RMND5A: variants seen among roughly 807,000 people sequenced by gnomAD.
RMND5A encodes the protein E3 ubiquitin-protein transferase RMND5A.
A neutral mutation model predicts 49.7 loss-of-function variants in RMND5A; 17 were observed. That is an observed-to-expected ratio of 0.34 (90% CI 0.23 to 0.51). RMND5A has a LOEUF of 0.51. RMND5A is among the 20% of genes least tolerant of loss of function. The pLI is 0.96. For missense variants in RMND5A, 255 were observed against 471.3 expected (o/e 0.54, Z 4.25); for synonymous variants, 156 against 167.7 (o/e 0.93, Z 0.54).
chr2:86,737,589 ATAT>A (rs1220437090), intron 1 of RMND5A, among the ~76,000 whole-genome samples: 7 of 118,950 alleles, frequency 5.9e-5, no homozygotes, highest in Middle Eastern at 3.7e-3. Context: ...ATATATATAT[ATAT>A]ATGTCAGTGA....
In RMND5A at chr2:86,766,002, G is replaced by A; in HGVS notation, c.832G>A (p.Val278Met). 10 of 1,613,764 alleles carry A rather than the reference G, an allele frequency of 6.2e-6. No individual in the cohort carries two copies. Among genetic ancestry groups the A allele is most frequent in the African/African-American group, 2.7e-5 (2 of 75,032 alleles). The change falls in exon 6 of 9, where the codon GTG becomes ATG. Residue 278 changes from valine (V) to methionine (M), a missense_variant. Physicochemically the swap from Val to Met is conservative, Grantham distance 21. Coordinates refer to ENST00000283632, the MANE Select transcript of RMND5A (RefSeq NM_022780.4). ...RDACALLGLS[V>M]ESPLSVSFSA... ...TGCTTGTGCCCTCCTGGGGCTCTCC[G>A]TGGAGTCCCCTCTCAGTGTCAGGTA...
Position 86,771,629 on chromosome 2 carries a change from A to G in RMND5A, c.1029A>G (p.Thr343=), listed in dbSNP as rs1672687089. The G allele has an allele frequency of 6.2e-7, 1 of 1,613,768 alleles. No individual in the cohort carries two copies. The highest frequency in any genetic ancestry group is 1.1e-5 in the South Asian group (1 of 91,066). Residue 343 remains threonine (T), a synonymous_variant, in exon 8 of 9, where the codon ACA becomes ACG. Transcript: ENST00000283632. ...CCTGCCCCATTCTTCGTCAGCAAAC[A>G]ACAGATAACAATCCACCCATGAAAT... ...IFACPILRQQ[T]TDNNPPMKLV...
chr2:86,762,756 T>A (rs1198362694), intron 4 of RMND5A, among the ~76,000 whole-genome samples: 1 of 145,196 alleles, frequency 6.9e-6, no homozygotes. Flanking sequence ...TATCACACTT[T>A]CAAGCTGAGC....
chr2:86,721,466 C>T (rs977544902), intron 1 of RMND5A, among the ~76,000 whole-genome samples: 10 of 151,948 alleles, frequency 6.6e-5, no homozygotes, highest in African/African-American at 2.2e-4. Context: ...TCTGTTCTCC[C>T]AGTGTACCTT....
Position 86,771,640 on chromosome 2 carries a change from A to G in RMND5A, c.1040A>G (p.Asn347Ser), listed in dbSNP as rs151248752. The G allele has an allele frequency of 1.1e-5, 18 of 1,613,650 alleles. No homozygotes were observed. Among genetic ancestry groups the G allele is most frequent in the African/African-American group, 5.3e-5 (4 of 74,852 alleles). ...CTTCGTCAGCAAACAACAGATAACAATCCACCCATGAAATTGGTCTGTGGT... is the reference window on the plus strand; with the variant it reads ...CTTCGTCAGCAAACAACAGATAACAGTCCACCCATGAAATTGGTCTGTGGT... ...PILRQQTTDN[N>S]PPMKLVCGHI... The change falls in exon 8 of 9, where the codon AAT (asparagine) becomes AGT (serine). Residue 347 changes from asparagine to serine, a missense_variant. Around this residue, in one of 3 missense-constraint regions of RMND5A, gnomAD observed 208 missense variants for 339.8 expected, o/e 0.61. Coordinates refer to ENST00000283632, the MANE Select transcript of RMND5A (RefSeq NM_022780.4).
intron 8 of RMND5A, among the ~76,000 whole-genome samples, chr2:86,772,048 C>T (rs10201422): frequency 0.68 from 103,704 of 152,128 alleles, 35,541 homozygotes; most frequent in East Asian, 0.91. Flanking sequence ...TTCTGTGCTG[C>T]AGAAACAGCC....
intron 4 of RMND5A, among the ~76,000 whole-genome samples, chr2:86,755,008 C>T (rs1273249047): frequency 1.3e-5 from 2 of 152,222 alleles, no homozygotes; most frequent in East Asian, 3.9e-4. Context: ...ATGCATATTA[C>T]CTTTGTAGAA....
intron 6 of RMND5A, among the ~76,000 whole-genome samples, chr2:86,767,975 G>A (rs1004249076): frequency 6.6e-6 from 1 of 152,134 alleles, no homozygotes; most frequent in African/African-American, 2.4e-5. Flanking sequence ...TTCTGTTAAG[G>A]TAGGCATTCA....
chr2:86,766,680 AAAG>A (rs1191198349), intron 6 of RMND5A, among the ~76,000 whole-genome samples: 40 of 151,156 alleles, frequency 2.6e-4, no homozygotes, highest in South Asian at 2.1e-4. Context: ...AAAAAAAAAA[AAAG>A]AAAAGAAAAA....
Position 86,776,020 on chromosome 2 carries a change from T to C in RMND5A, c.*2609T>C, listed in dbSNP as rs551884806. On this transcript the variant is annotated 3_prime_UTR_variant, in exon 9 of 9. Coordinates refer to ENST00000283632, the MANE Select transcript of RMND5A (RefSeq NM_022780.4). The stretch of plus-strand genomic sequence containing the variant: ...CGTTTATAACAGTCACATTTAATTA[T>C]AATGTACATCAAAGGCAGAATTTCA... The C allele has an allele frequency of 3.9e-5, 6 of 152,240 alleles. No individual in the cohort carries two copies. The highest frequency in any genetic ancestry group is 8.8e-5 in the Non-Finnish European group (6 of 68,042). The allele number at this position is 152,240 out of a possible 1,614,324, so 9.4% of individuals were successfully genotyped here. A position where few individuals can be genotyped will look rare whatever the true frequency, so the allele number is the denominator to read the frequency against.
chr2:86,777,692 G>A lies in RMND5A; in HGVS notation c.*4281G>A, dbSNP rs982849428. 2.6e-5 allele frequency: 4 copies of A among 152,098 alleles called. No homozygotes were observed. Among genetic ancestry groups the A allele is most frequent in the Non-Finnish European group, 5.9e-5 (4 of 68,014 alleles). 9.4% of individuals were successfully genotyped at this position (152,098 alleles called of 1,614,324 possible). ...ATCTATCATATAGAGCTATATGTATGGAAAATTTTGATCAATTTTTTAAGA... is the reference window on the plus strand; with the variant it reads ...ATCTATCATATAGAGCTATATGTATAGAAAATTTTGATCAATTTTTTAAGA... On this transcript the variant is annotated 3_prime_UTR_variant, in exon 9 of 9. Coordinates refer to ENST00000283632, the MANE Select transcript of RMND5A (RefSeq NM_022780.4).
intron 8 of RMND5A, among the ~76,000 whole-genome samples, 200 bp from the exon 9 acceptor site, chr2:86,773,148 A>G (rs1672710393): frequency 6.6e-6 from 1 of 152,218 alleles, no homozygotes; most frequent in Non-Finnish European, 1.5e-5. Context: ...CATGGGTGGT[A>G]TGTATTTGTG....
At position 86,726,710 on chromosome 2, in the gene RMND5A, T is replaced by G. The variant is rs547682397; in HGVS notation, c.142+5901T>G. 2.2e-3 allele frequency among the ~76,000 whole-genome samples: 173 copies of G among 78,020 alleles called. 67 individuals are homozygous for G. The highest frequency in any genetic ancestry group is 8.0e-3 in the African/African-American group (167 of 20,818). 51.2% of individuals were successfully genotyped at this position (78,020 alleles called of 152,430 possible). A position where few individuals can be genotyped will look rare whatever the true frequency, so the allele number is the denominator to read the frequency against. Reference sequence around the variant, plus strand: ...ACGTACTCTGGAGATAATTAATTCTTTTTTATTTGGCACCGTATTCATTTA... The same window carrying G: ...ACGTACTCTGGAGATAATTAATTCTGTTTTATTTGGCACCGTATTCATTTA... On this transcript the variant is annotated intron_variant, in intron 1 of 8. Transcript: ENST00000283632.
intron 1 of RMND5A, among the ~76,000 whole-genome samples, chr2:86,728,759 C>CTT (rs1228686352): frequency 2.4e-5 from 3 of 127,658 alleles, no homozygotes; most frequent in African/African-American, 6.3e-5. Context: ...TGGTGTTAAG[C>CTT]TTTTTTTTTT....
chr2:86,776,246 G>T lies in RMND5A; in HGVS notation c.*2835G>T, dbSNP rs889601938. 2 of 152,202 alleles carry T rather than the reference G, an allele frequency of 1.3e-5. No individual in the cohort carries two copies. The highest frequency in any genetic ancestry group is 4.8e-5 in the African/African-American group (2 of 41,452). The allele number at this position is 152,202 out of a possible 1,614,324, so 9.4% of individuals were successfully genotyped here. A position where few individuals can be genotyped will look rare whatever the true frequency, so the allele number is the denominator to read the frequency against. On this transcript the variant is annotated 3_prime_UTR_variant, in exon 9 of 9. Transcript: ENST00000283632. Reference sequence around the variant, plus strand: ...TTTTCTCCGTTGTGTGATCACAGATGCTATTTCTGTTTTATTGGTGATTAT... The same window carrying T: ...TTTTCTCCGTTGTGTGATCACAGATTCTATTTCTGTTTTATTGGTGATTAT...
intron 4 of RMND5A, among the ~76,000 whole-genome samples, chr2:86,763,355 A>G (rs1396539133): frequency 6.6e-6 from 1 of 152,144 alleles, no homozygotes; most frequent in African/African-American, 2.4e-5. Context: ...TTTGAAAGTG[A>G]TCTAATTTAA....
rs758990925 is a variant in RMND5A, at chr2:86,765,990, C to T, written c.820C>T (p.Leu274=). Residue 274 remains leucine (L), a synonymous_variant, in exon 6 of 9, where the codon CTG becomes TTG. Coordinates refer to ENST00000283632, the MANE Select transcript of RMND5A (RefSeq NM_022780.4). ...CTTTACACGGGATGCTTGTGCCCTC[C>T]TGGGGCTCTCCGTGGAGTCCCCTCT... is the stretch of plus-strand genomic sequence containing the variant. ...DIFTRDACAL[L]GLSVESPLSV... 4 of 1,614,022 alleles carry T rather than the reference C, an allele frequency of 2.5e-6. No homozygotes were observed. The African/African-American group carries it at 4.0e-5, about 16-fold the overall frequency.
intron 2 of RMND5A, among the ~76,000 whole-genome samples, chr2:86,744,679 T>C (rs1335528297): frequency 1.3e-5 from 2 of 151,974 alleles, no homozygotes; most frequent in East Asian, 1.9e-4. Flanking sequence ...AGCCAAGATA[T>C]TGTTTGGCTT....
chr2:86,720,816 C>A lies in RMND5A; in HGVS notation c.142+7C>A. ...GAGATCCTGCAGAGCCACGGTAGGG[C>A]GGCCCGCGTGGGCGCGCGGGGCATG... On this transcript the variant is annotated splice_region_variant and intron_variant, in intron 1 of 8. Transcript: ENST00000283632. 1.9e-6 allele frequency: 3 copies of A among 1,581,280 alleles called. No homozygotes were observed. Among genetic ancestry groups the A allele is most frequent in the Middle Eastern group, 2.1e-4 (1 of 4,794 alleles).
Sources: gnomAD v4.1 joint callset for allele counts (sites outside exome capture counted in the v4.1 genomes callset) on GRCh38, gnomAD v4.1.1 for gene constraint, gnomAD v4.1.1 regional missense constraint, MANE v1.5 for transcripts, NCBI Gene and HGNC (gene_info 2026-07-23, HGNC 2026-07-21) for gene names.